Variants in SPATA18 observed in about 807,000 individuals in gnomAD.
SPATA18 encodes the protein mitochondria-eating protein.
A neutral mutation model predicts 68.1 loss-of-function variants in SPATA18; 54 were observed. The observed-to-expected ratio is 0.79, with a 90% CI of 0.64 to 0.99. The LOEUF (loss-of-function observed/expected upper bound fraction) is 0.99. Ranked by LOEUF, SPATA18 falls within the 50% of genes least tolerant of loss-of-function variation. SPATA18 has a pLI of 0.00. For synonymous variants in SPATA18, 242 were observed against 244.8 expected (o/e 0.99, Z 0.11); for missense variants, 724 against 681.1 (o/e 1.06, Z -0.70).
At chr4:52,094,596 A>T in intron 12 of SPATA18, 24 bp downstream of exon 12, 3 of 1,612,418 alleles carry the variant, frequency 1.9e-6, no homozygotes, top group Non-Finnish European at 2.5e-6. Context: ...GTTCAGATGG[A>T]TCAAATTTTC....
intron 4 of SPATA18, among the ~76,000 whole-genome samples, chr4:52,067,882 A>C (rs1739446836): frequency 6.6e-6 from 1 of 152,176 alleles, no homozygotes; most frequent in Non-Finnish European, 1.5e-5. Context: ...CCCAGTACTG[A>C]GCATCATGCC....
intron 1 of SPATA18, among the ~76,000 whole-genome samples, chr4:52,053,197 A>G (rs1738052365): frequency 6.6e-6 from 1 of 152,196 alleles, no homozygotes; most frequent in Non-Finnish European, 1.5e-5. Context: ...ATTTGTCTGG[A>G]ACTAATAAAC....
chr4:52,079,391 A>T (rs993975566), intron 8 of SPATA18, among the ~76,000 whole-genome samples: 1 of 152,240 alleles, frequency 6.6e-6, no homozygotes, highest in African/African-American at 2.4e-5. Context: ...ACTATTAATA[A>T]TGATTGTTAT....
intron 7 of SPATA18, among the ~76,000 whole-genome samples, chr4:52,077,493 T>A (rs1446814985): frequency 6.6e-6 from 1 of 151,698 alleles, no homozygotes; most frequent in Non-Finnish European, 1.5e-5. Context: ...CGATAACTAT[T>A]CATATATATA....
In SPATA18 at chr4:52,095,855, A is replaced by C. The variant is rs796301587; in HGVS notation, c.*968A>C. On this transcript the variant is annotated 3_prime_UTR_variant, in exon 13 of 13. Transcript: ENST00000295213. ...TGAGTATATATCCCTTGACTTCTTCACTGTCAAATACTTTTGAAACTTCAC... is the reference window on the plus strand; with the variant it reads ...TGAGTATATATCCCTTGACTTCTTCCCTGTCAAATACTTTTGAAACTTCAC... 4 of 152,304 alleles carry C rather than the reference A, an allele frequency of 2.6e-5. No individual in the cohort carries two copies. The South Asian group carries it at 8.3e-4, about 32-fold the overall frequency. 9.4% of individuals were successfully genotyped at this position (152,304 alleles called of 1,614,324 possible).
chr4:52,064,208 C>T (rs946905758), intron 4 of SPATA18, among the ~76,000 whole-genome samples: 1 of 123,160 alleles, frequency 8.1e-6, no homozygotes, highest in Non-Finnish European at 1.9e-5. Context: ...TATATATTCT[C>T]TCCACCAACC....
In SPATA18 at chr4:52,051,645, C is replaced by T. The variant is rs1737877944; in HGVS notation, c.-60C>T. 2 of 1,537,100 alleles carry T rather than the reference C, an allele frequency of 1.3e-6. No homozygotes were observed. The highest frequency in any genetic ancestry group is 1.7e-5 in the Admixed American group (1 of 59,922). On this transcript the variant is annotated 5_prime_UTR_variant, in exon 1 of 13. Transcript: ENST00000295213. The stretch of plus-strand genomic sequence containing the variant: ...TATCACCCCACGGTCCTGCGGAGGC[C>T]ACCGCCTGGTCCCCCCAAGTCTCCA...
intron 8 of SPATA18, among the ~76,000 whole-genome samples, chr4:52,079,538 C>A (rs1383512801): frequency 1.3e-5 from 2 of 152,104 alleles, no homozygotes; most frequent in African/African-American, 4.8e-5. Context: ...TTTACTGTGT[C>A]ATTTCTACTC....
Position 52,088,582 on chromosome 4 carries a change from G to A in SPATA18, c.1563+3583G>A, listed in dbSNP as rs1372945037. 3.5e-4 allele frequency among the ~76,000 whole-genome samples: 54 copies of A among 152,196 alleles called. 1 individual carries two copies. Among genetic ancestry groups the A allele is most frequent in the Admixed American group, 3.0e-3 (46 of 15,286 alleles). On this transcript the variant is annotated intron_variant, in intron 11 of 12. Transcript: ENST00000295213. ...TGGTTCTGTTTATGTGATGGATTACGTTTATTGATTTGCATATATTGAACC... is the reference window on the plus strand; with the variant it reads ...TGGTTCTGTTTATGTGATGGATTACATTTATTGATTTGCATATATTGAACC...
chr4:52,077,497 A>C (rs1270339354), intron 7 of SPATA18, among the ~76,000 whole-genome samples: 1 of 151,536 alleles, frequency 6.6e-6, no homozygotes, highest in African/African-American at 2.4e-5. Context: ...AACTATTCAT[A>C]TATATATGAA....
intron 10 of SPATA18, chr4:52,083,562 T>G (rs1454968193): frequency 7.9e-6 from 6 of 755,026 alleles, no homozygotes; most frequent in Non-Finnish European, 9.7e-6. Context: ...CTGGGCAACA[T>G]AGCGAGACCT....
chr4:52,076,981 C>T lies in SPATA18; in HGVS notation c.961C>T (p.Leu321=), dbSNP rs755774657. 3 of 1,613,556 alleles carry T rather than the reference C, an allele frequency of 1.9e-6. No individual in the cohort carries two copies. Among genetic ancestry groups the T allele is most frequent in the African/African-American group, 2.7e-5 (2 of 75,062 alleles). The change falls in exon 7 of 13, where the codon CTG becomes TTG. Residue 321 remains leucine, a synonymous_variant. Transcript: ENST00000295213. ...SQARLDAQCL[L]RRCIDKAETV... ...GGCCCGCCTGGACGCGCAGTGCCTG[C>T]TGCGGCGCTGCATCGACAAGGCTGA...
intron 4 of SPATA18, among the ~76,000 whole-genome samples, chr4:52,067,871 C>T (rs1423146306): frequency 2.0e-5 from 3 of 152,132 alleles, no homozygotes; most frequent in Non-Finnish European, 1.5e-5. Context: ...ACTGTTGTAT[C>T]CCCAGTACTG....
At chr4:52,080,322 A>T (rs28707550) in intron 9 of SPATA18, among the ~76,000 whole-genome samples, 250 of 152,280 alleles carry the variant, frequency 1.6e-3, no homozygotes, top group African/African-American at 5.0e-3. Flanking sequence ...ACATTTTCTG[A>T]CATTTTATGC....
At chr4:52,053,585 T>A (rs1301599308) in intron 1 of SPATA18, among the ~76,000 whole-genome samples, 7 of 152,204 alleles carry the variant, frequency 4.6e-5, no homozygotes, top group Admixed American at 3.3e-4. Context: ...TAGTGAATGC[T>A]ATTGAAATGC....
intron 6 of SPATA18, 96 bp from the exon 7 acceptor site, chr4:52,076,683 C>G (rs1002750767): frequency 7.8e-6 from 12 of 1,532,980 alleles, no homozygotes; most frequent in Non-Finnish European, 9.8e-6. Context: ...GGAGTTTTGC[C>G]TCCGGATGGT....
intron 4 of SPATA18, among the ~76,000 whole-genome samples, chr4:52,065,481 G>A (rs909454769): frequency 1.3e-5 from 2 of 152,180 alleles, no homozygotes; most frequent in African/African-American, 4.8e-5. Context: ...GGTGAGAGGT[G>A]AGGATCCAGT....
intron 4 of SPATA18, among the ~76,000 whole-genome samples, chr4:52,064,213 C>T (rs1292285641): frequency 7.0e-6 from 1 of 142,570 alleles, no homozygotes; most frequent in African/African-American, 2.5e-5. Context: ...ATTCTCTCCA[C>T]CAACCATTTG....
rs959116441 is a variant in SPATA18 at position 52,062,413 on chromosome 4, G to A, written c.422+81G>A. The A allele has an allele frequency of 3.0e-5, 29 of 971,882 alleles. No homozygotes were observed. The African/African-American group carries it at 4.6e-4, about 15-fold the overall frequency. 60.2% of individuals were successfully genotyped at this position (971,882 alleles called of 1,614,324 possible). On this transcript the variant is annotated intron_variant, in intron 4 of 12. Coordinates refer to ENST00000295213, the MANE Select transcript of SPATA18 (RefSeq NM_145263.4). ...GTTTTAAATTCGAAAGGAGAATAAT[G>A]GCTCATGTAAAATGTGGGCATTTGC...
Sources: allele counts gnomAD v4.1 joint callset (sites outside exome capture counted in the v4.1 genomes callset), GRCh38; gene constraint gnomAD v4.1.1; transcripts MANE v1.5; gene names NCBI Gene and HGNC (gene_info 2026-07-23, HGNC 2026-07-21).